Variants in NAALADL2 observed in about 807,000 individuals in gnomAD.
NAALADL2 encodes N-acetylated alpha-linked acidic dipeptidase like 2.
NAALADL2 carries 76 observed loss-of-function variants against 87.2 expected under a neutral mutation model. That is an observed-to-expected ratio of 0.87 (90% CI 0.72 to 1.05). The LOEUF is 1.05. NAALADL2 is among the 50% of genes least tolerant of loss of function. NAALADL2 has a pLI of 0.00. For missense variants in NAALADL2, 1,089 were observed against 945.8 expected (o/e 1.15, Z -1.99); for synonymous variants, 354 against 331.0 (o/e 1.07, Z -0.75).
At chr3:175,441,564 C>T (rs1387740452) in intron 5 of NAALADL2, among the ~76,000 whole-genome samples, 2 of 152,010 alleles carry the variant, frequency 1.3e-5, no homozygotes, top group Non-Finnish European at 2.9e-5. Flanking sequence ...ACCTGGGATT[C>T]TGCACTCCTA....
rs373442093 is a variant in NAALADL2, at chr3:175,280,381, A to G, written c.939+23851A>G. Among the ~76,000 whole-genome samples, 555 of 152,234 alleles carry G rather than the reference A, an allele frequency of 3.6e-3. 2 individuals carry two copies. The highest frequency in any genetic ancestry group is 0.013 in the African/African-American group (523 of 41,572). ...ACCAAAATCCTTAAAACCATTAAAG[A>G]TTTTATCAAGAAATTAATATACTCA... On this transcript the variant is annotated intron_variant, in intron 4 of 13. Coordinates refer to ENST00000454872, the MANE Select transcript of NAALADL2 (RefSeq NM_207015.3).
chr3:175,441,351 T>C (rs1379984864), intron 5 of NAALADL2, among the ~76,000 whole-genome samples: 5 of 152,160 alleles, frequency 3.3e-5, no homozygotes, highest in Non-Finnish European at 7.3e-5. Context: ...GTGGATAGGT[T>C]ATATGAAAAT....
At chr3:174,651,063 A>G (rs968248080) in intron 2 of NAALADL2, among the ~76,000 whole-genome samples, 1 of 152,064 alleles carries the variant, frequency 6.6e-6, no homozygotes, top group Admixed American at 6.6e-5. Flanking sequence ...ACCTCATGTA[A>G]GTTCTGCTAA....
chr3:175,207,368 TG>T (rs1438190587), intron 2 of NAALADL2, among the ~76,000 whole-genome samples: 1 of 152,100 alleles, frequency 6.6e-6, no homozygotes, highest in African/African-American at 2.4e-5. Flanking sequence ...AAAACCATGA[TG>T]GAAGTTATTA....
chr3:175,728,602 T>C (rs2150055234), intron 11 of NAALADL2, among the ~76,000 whole-genome samples: 1 of 152,216 alleles, frequency 6.6e-6, no homozygotes, highest in Middle Eastern at 3.4e-3. Flanking sequence ...ATTGGGGAAT[T>C]TCTAGTATAA....
intron 11 of NAALADL2, among the ~76,000 whole-genome samples, chr3:175,664,152 G>T (rs1004311805): frequency 6.6e-6 from 1 of 151,928 alleles, no homozygotes; most frequent in Non-Finnish European, 1.5e-5. Context: ...TCTCCTAAAC[G>T]CTCATGCTCA....
intron 3 of NAALADL2, among the ~76,000 whole-genome samples, chr3:175,243,089 A>ACG (rs1485877611): frequency 2.6e-5 from 4 of 151,278 alleles, no homozygotes; most frequent in Admixed American, 2.6e-4. Flanking sequence ...ACACACACAC[A>ACG]CACACGCACA....
chr3:174,686,738 T>C (rs988618904), intron 2 of NAALADL2, among the ~76,000 whole-genome samples: 4 of 152,050 alleles, frequency 2.6e-5, no homozygotes, highest in African/African-American at 9.7e-5. Flanking sequence ...TGGCTAGCCA[T>C]TTGCAAAAGA....
chr3:175,235,057 A>G (rs2109504605), intron 3 of NAALADL2: 1 of 72,622 alleles, frequency 1.4e-5, no homozygotes, highest in Non-Finnish European at 3.1e-5. Flanking sequence ...TAAAAAATAC[A>G]CTTAGTTTTT....
At chr3:175,680,738 A>G (rs1211353925) in intron 11 of NAALADL2, among the ~76,000 whole-genome samples, 2 of 152,220 alleles carry the variant, frequency 1.3e-5, no homozygotes, top group African/African-American at 2.4e-5. Flanking sequence ...GACCTGTTGC[A>G]TTCTTAGTAA....
intron 6 of NAALADL2, among the ~76,000 whole-genome samples, chr3:175,461,817 G>C (rs575283952): frequency 3.9e-5 from 6 of 152,112 alleles, no homozygotes; most frequent in African/African-American, 1.2e-4. Context: ...AACAAAGCTT[G>C]AGCAGGGAAT....
At chr3:174,508,682 A>G (rs916389126) in intron 1 of NAALADL2, among the ~76,000 whole-genome samples, 2 of 152,162 alleles carry the variant, frequency 1.3e-5, no homozygotes, top group Non-Finnish European at 2.9e-5. Flanking sequence ...TGCAGGGCAC[A>G]AGACTTGCAT....
At chr3:175,349,117 T>C (rs747674557) in intron 5 of NAALADL2, among the ~76,000 whole-genome samples, 5 of 150,104 alleles carry the variant, frequency 3.3e-5, no homozygotes, top group Non-Finnish European at 5.9e-5. Flanking sequence ...ACTGAAAACA[T>C]GGCCCCCACC....
chr3:174,645,585 AT>A (rs1412240712), intron 2 of NAALADL2, among the ~76,000 whole-genome samples: 1 of 152,162 alleles, frequency 6.6e-6, no homozygotes, highest in East Asian at 1.9e-4. Flanking sequence ...TAGAAAGATA[AT>A]TTTTTAATGT....
intron 5 of NAALADL2, among the ~76,000 whole-genome samples, chr3:175,440,061 T>C (rs942103478): frequency 6.6e-6 from 1 of 152,228 alleles, no homozygotes; most frequent in African/African-American, 2.4e-5. Context: ...TTGATTTTTG[T>C]ATAAGATGAG....
At chr3:174,444,137 A>G (rs773553197) in intron 1 of NAALADL2, among the ~76,000 whole-genome samples, 7 of 152,166 alleles carry the variant, frequency 4.6e-5, no homozygotes, top group Admixed American at 2.0e-4. Context: ...AGAACAAAAA[A>G]TTGATGATGC....
At chr3:175,777,609 ATC>A (rs1331010289) in intron 13 of NAALADL2, among the ~76,000 whole-genome samples, 23 of 152,158 alleles carry the variant, frequency 1.5e-4, no homozygotes, top group Admixed American at 1.5e-3. Flanking sequence ...AGAGATAAGT[ATC>A]TGTCAGAGTT....
At chr3:174,636,538 C>A (rs1025533496) in intron 2 of NAALADL2, among the ~76,000 whole-genome samples, 1 of 151,858 alleles carries the variant, frequency 6.6e-6, no homozygotes, top group Non-Finnish European at 1.5e-5. Flanking sequence ...AAATGGCCAA[C>A]AAGTGTATGA....
intron 2 of NAALADL2, among the ~76,000 whole-genome samples, chr3:175,215,318 C>T (rs1428280761): frequency 1.3e-5 from 2 of 152,110 alleles, no homozygotes; most frequent in East Asian, 1.9e-4. Context: ...AGATCACTAT[C>T]GTGTCTTTTT....
Sources: gnomAD v4.1 joint callset for allele counts (sites outside exome capture counted in the v4.1 genomes callset) on GRCh38, gnomAD v4.1.1 for gene constraint, MANE v1.5 for transcripts, NCBI Gene and HGNC (gene_info 2026-07-23, HGNC 2026-07-21) for gene names.